Variants in NRG1 observed in about 807,000 individuals in gnomAD.
NRG1 encodes the protein neuregulin 1.
Under a neutral mutation model 63.8 loss-of-function variants are expected in NRG1, and 18 were observed. The observed-to-expected ratio is 0.28, with a 90% CI of 0.19 to 0.42. The LOEUF (loss-of-function observed/expected upper bound fraction) is 0.42. Ranked by LOEUF, NRG1 falls within the 10% of genes least tolerant of loss-of-function variation. The pLI, the probability that NRG1 is intolerant of heterozygous loss-of-function variation, is 1.00. For missense variants in NRG1, 762 were observed against 814.7 expected (o/e 0.94, Z 0.79); for synonymous variants, 302 against 301.3 (o/e 1.00, Z -0.02).
intron 7 of NRG1, among the ~76,000 whole-genome samples, chr8:32,751,865 T>G (rs979077670): frequency 6.6e-6 from 1 of 151,388 alleles, no homozygotes. Flanking sequence ...TCTATTCTTC[T>G]GTAATTAACA....
At chr8:32,218,575 C>CA (rs917964974) in intron 1 of NRG1, among the ~76,000 whole-genome samples, 2 of 152,160 alleles carry the variant, frequency 1.3e-5, no homozygotes, top group African/African-American at 4.8e-5. Context: ...ATGCAGTCCA[C>CA]AAAAAATGAC....
At chr8:32,341,456 G>A (rs1804067131) in intron 1 of NRG1, among the ~76,000 whole-genome samples, 1 of 152,206 alleles carries the variant, frequency 6.6e-6, no homozygotes, top group Admixed American at 6.5e-5. Context: ...TGTAAGGACA[G>A]AGGAATGAGG....
At position 31,982,531 on chromosome 8, in the gene NRG1, T is replaced by TAGAA. The variant is rs1260203259; in HGVS notation, c.37+343100_37+343101insAGAA. ...AACAGGAAGTGCTGAAAGAGCATGT[T>TAGAA]TCTGCACATTTAGAATTAAGAGGGA... On this transcript the variant is annotated intron_variant, in intron 1 of 10. Coordinates refer to the NRG1 transcript ENST00000519301. 6.9e-3 allele frequency among the ~76,000 whole-genome samples: 1,045 copies of TAGAA among 152,186 alleles called. 15 individuals carry two copies. Among genetic ancestry groups the TAGAA allele is most frequent in the African/African-American group, 0.024 (981 of 41,534 alleles).
At chr8:32,148,257 G>A (rs750155962) in intron 1 of NRG1, among the ~76,000 whole-genome samples, 4 of 152,146 alleles carry the variant, frequency 2.6e-5, no homozygotes, top group Non-Finnish European at 4.4e-5. Flanking sequence ...CAGTAGAGCT[G>A]AGGCAGGATT....
chr8:32,049,260 T>C (rs1821590912), intron 1 of NRG1, among the ~76,000 whole-genome samples: 1 of 152,156 alleles, frequency 6.6e-6, no homozygotes, highest in African/African-American at 2.4e-5. Flanking sequence ...TTGTATTTAA[T>C]CTTTCCCTAA....
At chr8:32,539,082 A>T (rs768149864) in intron 1 of NRG1, among the ~76,000 whole-genome samples, 1 of 152,152 alleles carries the variant, frequency 6.6e-6, no homozygotes, top group Non-Finnish European at 1.5e-5. Context: ...AAAATATAAG[A>T]GGCTAGAAAA....
At chr8:32,296,634 G>C (rs1190795468) in intron 1 of NRG1, among the ~76,000 whole-genome samples, 1 of 134,440 alleles carries the variant, frequency 7.4e-6, no homozygotes. Flanking sequence ...AAAAAAAAAA[G>C]CTTCCTTAAA....
intron 3 of NRG1, among the ~76,000 whole-genome samples, chr8:32,606,033 A>G (rs927345924): frequency 6.6e-6 from 1 of 151,474 alleles, no homozygotes; most frequent in Non-Finnish European, 1.5e-5. Context: ...ACAGTCATAT[A>G]TATATACAGG....
intron 1 of NRG1, among the ~76,000 whole-genome samples, chr8:32,257,505 C>T (rs901261567): frequency 2.0e-4 from 30 of 152,316 alleles, no homozygotes; most frequent in African/African-American, 6.7e-4. Context: ...ATATATATAA[C>T]ATGTGGATCA....
At chr8:32,089,565 T>A (rs1486611403) in intron 1 of NRG1, among the ~76,000 whole-genome samples, 1 of 152,202 alleles carries the variant, frequency 6.6e-6, no homozygotes, top group East Asian at 1.9e-4. Flanking sequence ...CTTGTATAAC[T>A]TTGAATTCAC....
chr8:32,172,872 A>C (rs143255125), intron 1 of NRG1, among the ~76,000 whole-genome samples: 8,550 of 152,208 alleles, frequency 0.056, 398 homozygotes, highest in East Asian at 0.26. Flanking sequence ...GATTGGTGTA[A>C]CTGAAAGTGA....
chr8:31,812,103 G>C (rs951560541), intron 1 of NRG1, among the ~76,000 whole-genome samples: 7 of 152,132 alleles, frequency 4.6e-5, no homozygotes, highest in Non-Finnish European at 8.8e-5. Flanking sequence ...ATGGATTATA[G>C]GATATTTTTG....
At position 32,023,307 on chromosome 8, in the gene NRG1, G is replaced by A. The variant is rs1359525491; in HGVS notation, c.37+383876G>A. Among the ~76,000 whole-genome samples the A allele has an allele frequency of 5.9e-5, 9 of 152,232 alleles. 1 individual carries two copies. Among genetic ancestry groups the A allele is most frequent in the Non-Finnish European group, 8.8e-5 (6 of 68,010 alleles). ...AGGATGTTATAAGACATTGAGTTTC[G>A]AAGTTTTCCTTTAAAATACAAAAAG... On this transcript the variant is annotated intron_variant, in intron 1 of 10. Transcript: ENST00000519301.
At chr8:32,087,332 C>G (rs1270680619) in intron 1 of NRG1, among the ~76,000 whole-genome samples, 1 of 152,022 alleles carries the variant, frequency 6.6e-6, no homozygotes, top group Non-Finnish European at 1.5e-5. Context: ...CCGATCTCTT[C>G]CCCTTTTGCC....
intron 1 of NRG1, among the ~76,000 whole-genome samples, chr8:32,153,933 C>T (rs1223281967): frequency 3.9e-5 from 6 of 152,116 alleles, no homozygotes; most frequent in African/African-American, 2.4e-5. Context: ...TTGAGCTTCC[C>T]GATAAGACAA....
intron 1 of NRG1, among the ~76,000 whole-genome samples, chr8:31,909,453 AG>A (rs940352000): frequency 5.9e-5 from 9 of 152,144 alleles, no homozygotes; most frequent in African/African-American, 2.2e-4. Context: ...GACTTGCCCA[AG>A]GAAGTTGTCT....
chr8:32,298,526 A>G (rs1032617530), intron 1 of NRG1, among the ~76,000 whole-genome samples: 9 of 151,754 alleles, frequency 5.9e-5, no homozygotes, highest in Admixed American at 5.9e-4. Flanking sequence ...GACTAGCTTG[A>G]CCAACATGGA....
At position 32,032,059 on chromosome 8, in the gene NRG1, A is replaced by T. The variant is rs140804456; in HGVS notation, c.37+392628A>T. Reference sequence around the variant, plus strand: ...TTCCACAATGATTGAACTGGTTTACATTCCCACCAACATTGTAAAAGCATT... The same window carrying T: ...TTCCACAATGATTGAACTGGTTTACTTTCCCACCAACATTGTAAAAGCATT... On this transcript the variant is annotated intron_variant, in intron 1 of 10. Coordinates refer to the NRG1 transcript ENST00000519301. 3.3e-4 allele frequency among the ~76,000 whole-genome samples: 51 copies of T among 152,288 alleles called. 1 individual carries two copies. The highest frequency in any genetic ancestry group is 9.1e-4 in the Admixed American group (14 of 15,304).
intron 6 of NRG1, among the ~76,000 whole-genome samples, chr8:32,740,069 G>A (rs1166524344): frequency 1.3e-5 from 2 of 151,380 alleles, no homozygotes; most frequent in Non-Finnish European, 2.9e-5. Context: ...AAATAATTTT[G>A]TCAAATAAGT....
Sources: allele counts gnomAD v4.1 joint callset (sites outside exome capture counted in the v4.1 genomes callset), GRCh38; gene constraint gnomAD v4.1.1; transcripts MANE v1.5; gene names NCBI Gene and HGNC (gene_info 2026-07-23, HGNC 2026-07-21).